Variants in CNTNAP2 observed in about 807,000 individuals in gnomAD.
CNTNAP2 encodes contactin associated protein 2.
CNTNAP2 carries 98 observed loss-of-function variants against 155.2 expected under a neutral mutation model. The observed-to-expected ratio is 0.63, with a 90% confidence interval of 0.54 to 0.75. The LOEUF (loss-of-function observed/expected upper bound fraction) is 0.75, where lower values mean the gene tolerates loss of function less well. Among genes scored for constraint, CNTNAP2 ranks in the 30% least tolerant of loss-of-function variants. The pLI, the probability that CNTNAP2 is intolerant of heterozygous loss-of-function variation, is 0.00. For missense variants in CNTNAP2, 1,727 were observed against 1,688.1 expected (o/e 1.02, Z -0.40); for synonymous variants, 651 against 631.2 (o/e 1.03, Z -0.47).
intron 15 of CNTNAP2, among the ~76,000 whole-genome samples, chr7:147,991,989 G>A (rs1383482363): frequency 6.7e-6 from 1 of 150,212 alleles, no homozygotes; most frequent in Non-Finnish European, 1.5e-5. Flanking sequence ...GCTTCTTCTT[G>A]AAGTTTGCTG....
intron 15 of CNTNAP2, among the ~76,000 whole-genome samples, chr7:148,085,984 T>C (rs1483399467): frequency 6.6e-6 from 1 of 152,254 alleles, no homozygotes; most frequent in Non-Finnish European, 1.5e-5. Flanking sequence ...TTGCATTTAT[T>C]GAATTTCTAC....
chr7:147,461,185 CATAA>C (rs1798017234), intron 10 of CNTNAP2, among the ~76,000 whole-genome samples: 2 of 152,076 alleles, frequency 1.3e-5, no homozygotes, highest in African/African-American at 4.8e-5. Context: ...TAGACACTAA[CATAA>C]ATAAATAAAT....
chr7:147,769,742 G>A (rs958202696), intron 13 of CNTNAP2, among the ~76,000 whole-genome samples: 2 of 152,026 alleles, frequency 1.3e-5, no homozygotes, highest in East Asian at 3.9e-4. Flanking sequence ...AATCTGACTT[G>A]GGCAAGATAT....
At chr7:148,209,959 AC>A (rs763446295) in intron 18 of CNTNAP2, among the ~76,000 whole-genome samples, 4 of 151,902 alleles carry the variant, frequency 2.6e-5, no homozygotes, top group Admixed American at 2.0e-4. Context: ...TACTTTCCCT[AC>A]CCCCGTTACC....
At chr7:147,987,987 G>A (rs375290128) in intron 15 of CNTNAP2, among the ~76,000 whole-genome samples, 88 of 152,252 alleles carry the variant, frequency 5.8e-4, no homozygotes, top group African/African-American at 1.9e-3. Flanking sequence ...GAGCCACCAC[G>A]CCTGGCAGGT....
At chr7:146,258,989 GT>G (rs1188401712) in intron 1 of CNTNAP2, among the ~76,000 whole-genome samples, 1 of 152,156 alleles carries the variant, frequency 6.6e-6, no homozygotes, top group Non-Finnish European at 1.5e-5. Context: ...CTGGTGGGAG[GT>G]TATTGGATCT....
At chr7:148,374,363 TCC>T (rs1319848686) in intron 21 of CNTNAP2, among the ~76,000 whole-genome samples, 4 of 152,174 alleles carry the variant, frequency 2.6e-5, no homozygotes, top group African/African-American at 9.7e-5. Context: ...AACACACTTT[TCC>T]TAGCCTACAC....
chr7:146,317,953 A>G (rs1035451542), intron 1 of CNTNAP2, among the ~76,000 whole-genome samples: 10 of 152,172 alleles, frequency 6.6e-5, no homozygotes, highest in Admixed American at 3.9e-4. Context: ...AATCCTGGCT[A>G]ACACGGTGAA....
intron 16 of CNTNAP2, among the ~76,000 whole-genome samples, chr7:148,141,095 T>G (rs922565270): frequency 2.0e-5 from 3 of 152,212 alleles, no homozygotes; most frequent in Non-Finnish European, 4.4e-5. Context: ...ACCTACTGAA[T>G]CAGATTCTCT....
intron 8 of CNTNAP2, among the ~76,000 whole-genome samples, chr7:147,199,886 G>C (rs1403983773): frequency 2.0e-5 from 3 of 152,056 alleles, no homozygotes; most frequent in Non-Finnish European, 4.4e-5. Flanking sequence ...ATTAGCTAGA[G>C]AGGGTTGTCT....
rs533303335 is a variant in CNTNAP2, at chr7:146,180,207, A to T, written c.97+63234A>T. 3.9e-5 allele frequency among the ~76,000 whole-genome samples: 6 copies of T among 152,276 alleles called. No individual in the cohort carries two copies. In the East Asian group the frequency reaches 1.2e-3, roughly 29 times the overall value. ...CAGCCTCTTTGACTAGACACTTAGG[A>T]TTTAAGTAGCCTAGCAATTCTGCCT... is the stretch of plus-strand genomic sequence containing the variant. On this transcript the variant is annotated intron_variant, in intron 1 of 23. Transcript: ENST00000361727.
intron 1 of CNTNAP2, among the ~76,000 whole-genome samples, chr7:146,288,345 G>T (rs1374964812): frequency 6.6e-6 from 1 of 151,752 alleles, no homozygotes; most frequent in African/African-American, 2.4e-5. Flanking sequence ...TTGACCTTTG[G>T]AGTGTACAAG....
intron 21 of CNTNAP2, among the ~76,000 whole-genome samples, chr7:148,337,312 G>A (rs946579004): frequency 6.6e-6 from 1 of 151,972 alleles, no homozygotes; most frequent in African/African-American, 2.4e-5. Flanking sequence ...TTATCCTGAT[G>A]CCCTGACCCG....
intron 8 of CNTNAP2, among the ~76,000 whole-genome samples, chr7:147,142,939 C>A (rs80119822): frequency 6.6e-6 from 1 of 152,146 alleles, no homozygotes; most frequent in Non-Finnish European, 1.5e-5. Flanking sequence ...ATTTATTGCC[C>A]AATTTTAGTA....
At chr7:146,768,566 A>G (rs1228801936) in intron 1 of CNTNAP2, among the ~76,000 whole-genome samples, 1 of 151,916 alleles carries the variant, frequency 6.6e-6, no homozygotes. Context: ...GTAAATGTGC[A>G]GGTATAGGTA....
chr7:146,873,722 A>G (rs929853626), intron 3 of CNTNAP2, among the ~76,000 whole-genome samples: 1 of 152,102 alleles, frequency 6.6e-6, no homozygotes. Context: ...TATCACAATT[A>G]CATGAGGATA....
At chr7:146,369,325 T>C (rs1795200396) in intron 1 of CNTNAP2, among the ~76,000 whole-genome samples, 1 of 152,064 alleles carries the variant, frequency 6.6e-6, no homozygotes, top group African/African-American at 2.4e-5. Context: ...CTCTTTTTGA[T>C]GGACATTTAG....
chr7:146,721,842 A>G (rs1801335773), intron 1 of CNTNAP2, among the ~76,000 whole-genome samples: 2 of 117,010 alleles, frequency 1.7e-5, no homozygotes, highest in South Asian at 2.3e-4. Context: ...TAGTCTATAT[A>G]TATATTCTAC....
intron 3 of CNTNAP2, among the ~76,000 whole-genome samples, chr7:146,981,081 T>A (rs111482724): frequency 6.6e-6 from 1 of 152,156 alleles, no homozygotes. Context: ...GGATATAGAT[T>A]TATATTATGG....
Sources: allele counts gnomAD v4.1 joint callset (sites outside exome capture counted in the v4.1 genomes callset), GRCh38; gene constraint gnomAD v4.1.1; transcripts MANE v1.5; gene names NCBI Gene and HGNC (gene_info 2026-07-23, HGNC 2026-07-21).